PLEKHH1: variants seen among roughly 807,000 people sequenced by gnomAD.
PLEKHH1 encodes the protein pleckstrin homology domain-containing family H member 1.
In PLEKHH1, 104 loss-of-function variants were observed where a neutral mutation model predicts 160.0. The observed-to-expected ratio is 0.65, with a 90% confidence interval of 0.55 to 0.76. The LOEUF is 0.76. PLEKHH1 is among the 30% of genes least tolerant of loss of function. PLEKHH1 has a pLI of 0.00. For missense variants in PLEKHH1, 1,427 were observed against 1,724.1 expected, an observed-to-expected ratio of 0.83 and a Z score of 3.05; for synonymous variants, 619 against 678.4, an observed-to-expected ratio of 0.91 and a Z score of 1.36.
At chr14:67,543,258 G>A (rs1216109390) in intron 2 of PLEKHH1, among the ~76,000 whole-genome samples, 1 of 152,156 alleles carries the variant, frequency 6.6e-6, no homozygotes. Flanking sequence ...TTGATAGCTG[G>A]AGTCCAGCAG....
rs1283777283 is a variant in PLEKHH1 at position 67,588,276 on chromosome 14, A to C, written c.*1041A>C. The stretch of plus-strand genomic sequence containing the variant: ...GCTGTGTTCACTGTAGTGGGCCATC[A>C]TTTGTTTCCTTCTTCTTGTAAAAGA... On this transcript the variant is annotated 3_prime_UTR_variant, in exon 29 of 29. Coordinates refer to ENST00000329153, the MANE Select transcript of PLEKHH1 (RefSeq NM_020715.3). The C allele has an allele frequency of 1.3e-5, 2 of 152,560 alleles. No homozygotes were observed. Among genetic ancestry groups the C allele is most frequent in the Non-Finnish European group, 2.9e-5 (2 of 68,008 alleles). 9.5% of individuals were successfully genotyped at this position (152,560 alleles called of 1,614,324 possible).
chr14:67,581,631 A>G (rs1375856862), intron 23 of PLEKHH1: 1 of 177,622 alleles, frequency 5.6e-6, no homozygotes, highest in Non-Finnish European at 1.2e-5. Flanking sequence ...ATAGCTAAAG[A>G]CTAAGTACTT....
intron 2 of PLEKHH1, among the ~76,000 whole-genome samples, chr14:67,555,238 A>T (rs931607978): frequency 1.2e-4 from 19 of 152,186 alleles, no homozygotes; most frequent in Middle Eastern, 3.2e-3. Context: ...AATTTTGAAA[A>T]ATGTATCTTG....
chr14:67,557,064 G>T (rs1362839354), intron 3 of PLEKHH1, among the ~76,000 whole-genome samples: 1 of 152,142 alleles, frequency 6.6e-6, no homozygotes, highest in Non-Finnish European at 1.5e-5. Flanking sequence ...GACCTAGAGT[G>T]GCCAAAATGA....
At position 67,574,303 on chromosome 14, in the gene PLEKHH1, G is replaced by A. The variant is rs971632649; in HGVS notation, c.1988G>A (p.Trp663Ter). Residue 663 changes from tryptophan (W) to a stop codon, truncating the protein, a stop_gained, in exon 14 of 29, where the codon TGG (tryptophan) becomes TAG (stop). Transcript: ENST00000329153. LOFTEE classifies it high-confidence loss of function. The surrounding 1 kb of genome is among the most constrained non-coding windows in gnomAD (Gnocchi z 4.2). Reference sequence around the variant, plus strand: ...GATTCACCCAGCCTGCTGGAGGAGTGGATCCGAGTACTCCAGAGCCTGCTG... The same window carrying A: ...GATTCACCCAGCCTGCTGGAGGAGTAGATCCGAGTACTCCAGAGCCTGCTG... ...TADSPSLLEE[W>*]IRVLQSLLKV... is the part of the protein sequence containing the mutation. 1 of 1,607,472 alleles carries A rather than the reference G, an allele frequency of 6.2e-7. No individual in the cohort carries two copies. The highest frequency in any genetic ancestry group is 8.5e-7 in the Non-Finnish European group (1 of 1,176,926).
rs1342979501 is a variant in PLEKHH1, at chr14:67,582,589, C to G, written c.3426+379C>G. On this transcript the variant is annotated intron_variant, in intron 24 of 28. Coordinates refer to ENST00000329153, the MANE Select transcript of PLEKHH1 (RefSeq NM_020715.3). This position sits in a 1 kb window ranked among gnomAD's most constrained non-coding sequence, Gnocchi z 5.0. ...ATGTCAGCACTTTGCGAGGCCGAGG[C>G]GGGCAGATCACCTGAGGCCAGGAGT... 6.6e-6 allele frequency among the ~76,000 whole-genome samples: 1 copy of G among 152,042 alleles called. No individual in the cohort carries two copies. The highest frequency in any genetic ancestry group is 1.5e-5 in the Non-Finnish European group (1 of 68,026).
At position 67,573,479 on chromosome 14, in the gene PLEKHH1, CA is replaced by C; in HGVS notation, c.1839+95del. The C allele has an allele frequency of 1.1e-6, 1 of 872,396 alleles. No homozygotes were observed. Among genetic ancestry groups the C allele is most frequent in the Non-Finnish European group, 1.8e-6 (1 of 544,308 alleles). 54.0% of individuals were successfully genotyped at this position (872,396 alleles called of 1,614,324 possible). On this transcript the variant is annotated intron_variant, in intron 12 of 28. Transcript: ENST00000329153. This position sits in a 1 kb window ranked among gnomAD's most constrained non-coding sequence, Gnocchi z 4.8. ...GGGACGGAGGAGGGGGAATGTGGCCCAAGGCCAGAGGGCAAAGGTCTGGCAG... is the reference window on the plus strand; with the variant it reads ...GGGACGGAGGAGGGGGAATGTGGCCCAGGCCAGAGGGCAAAGGTCTGGCAG...
chr14:67,578,722 T>C lies in PLEKHH1; in HGVS notation c.2849+91T>C, dbSNP rs1760494477. 1 of 839,188 alleles carries C rather than the reference T, an allele frequency of 1.2e-6. No individual in the cohort carries two copies. The highest frequency in any genetic ancestry group is 2.0e-6 in the Non-Finnish European group (1 of 500,304). 52.0% of individuals were successfully genotyped at this position (839,188 alleles called of 1,614,324 possible). On this transcript the variant is annotated intron_variant, in intron 20 of 28. Coordinates refer to ENST00000329153, the MANE Select transcript of PLEKHH1 (RefSeq NM_020715.3). The surrounding 1 kb of genome is among the most constrained non-coding windows in gnomAD (Gnocchi z 5.0). Reference sequence around the variant, plus strand: ...TGAGAGGAGTCTAGGGCAGACCAGATCACTCCTGTCCTCTGAAACCGCTCA... The same window carrying C: ...TGAGAGGAGTCTAGGGCAGACCAGACCACTCCTGTCCTCTGAAACCGCTCA...
chr14:67,547,209 G>A lies in PLEKHH1; in HGVS notation c.126+5216G>A, dbSNP rs138106311. ...CAACTGGGCATGTGGGAGGAAAGAG[G>A]GGAGAGACACAGATCTGGACTAGGG... On this transcript the variant is annotated intron_variant, in intron 2 of 28. Transcript: ENST00000329153. 3.4e-3 allele frequency among the ~76,000 whole-genome samples: 525 copies of A among 152,254 alleles called. 1 individual carries two copies. The highest frequency in any genetic ancestry group is 0.012 in the African/African-American group (496 of 41,536).
chr14:67,561,060 A>T (rs1234414506), intron 5 of PLEKHH1, among the ~76,000 whole-genome samples: 2 of 152,016 alleles, frequency 1.3e-5, no homozygotes, highest in African/African-American at 4.8e-5. Context: ...CTCTGTCCTC[A>T]CACAAGTGGT....
intron 2 of PLEKHH1, 127 bp from the exon 3 acceptor site, chr14:67,555,698 C>T: frequency 1.5e-6 from 2 of 1,362,590 alleles, no homozygotes; most frequent in Non-Finnish European, 2.0e-6. Flanking sequence ...ACTCTCGAGC[C>T]ACTTGAGATG....
At chr14:67,571,981 G>T in intron 10 of PLEKHH1, 79 bp downstream of exon 10, 1 of 1,509,274 alleles carries the variant, frequency 6.6e-7, no homozygotes, top group Admixed American at 2.0e-5. Flanking sequence ...GAACATGGGC[G>T]TCCCCACTTG....
At chr14:67,581,274 GCA>G (rs71129838) in intron 23 of PLEKHH1, among the ~76,000 whole-genome samples, 220 of 147,886 alleles carry the variant, frequency 1.5e-3, no homozygotes, top group Middle Eastern at 3.5e-3. Context: ...GTGTGTATAT[GCA>G]CACACACACA....
chr14:67,579,450 G>C, intron 21 of PLEKHH1, 139 bp downstream of exon 21: 1 of 757,406 alleles, frequency 1.3e-6, no homozygotes. Context: ...TGCATGAACA[G>C]GGAAGCTGAG....
intron 5 of PLEKHH1, among the ~76,000 whole-genome samples, chr14:67,561,025 C>T (rs1396694589): frequency 6.6e-6 from 1 of 152,114 alleles, no homozygotes; most frequent in African/African-American, 2.4e-5. Flanking sequence ...GCCACCACAC[C>T]CGGCTGACAA....
rs941602611 is a variant in PLEKHH1, at chr14:67,582,824, C to T, written c.3426+614C>T. Among the ~76,000 whole-genome samples the T allele has an allele frequency of 2.6e-5, 4 of 152,066 alleles. No individual in the cohort carries two copies. The East Asian group carries it at 7.7e-4, about 29-fold the overall frequency. ...TGCACTACAGCCTAGGCGACAACAG[C>T]AAAACTCTGTCTCAAAACAAAACAA... On this transcript the variant is annotated intron_variant, in intron 24 of 28. Coordinates refer to ENST00000329153, the MANE Select transcript of PLEKHH1 (RefSeq NM_020715.3). The surrounding 1 kb of genome is among the most constrained non-coding windows in gnomAD (Gnocchi z 5.0).
At chr14:67,548,344 A>AG (rs1437502090) in intron 2 of PLEKHH1, among the ~76,000 whole-genome samples, 1 of 152,196 alleles carries the variant, frequency 6.6e-6, no homozygotes, top group African/African-American at 2.4e-5. Context: ...AACTAATACA[A>AG]GGTTTTTCTT....
At chr14:67,557,666 C>T (rs1464618953) in intron 4 of PLEKHH1, among the ~76,000 whole-genome samples, 1 of 152,242 alleles carries the variant, frequency 6.6e-6, no homozygotes, top group Non-Finnish European at 1.5e-5. Flanking sequence ...GTGAAGCCCA[C>T]CTCTAGCACC....
chr14:67,577,947 G>A, intron 18 of PLEKHH1, 76 bp from the exon 19 acceptor site: 1 of 1,412,038 alleles, frequency 7.1e-7, no homozygotes. Context: ...GGAGCCCTTG[G>A]AAAATGGCCA....
Sources: gnomAD v4.1 joint callset for allele counts (sites outside exome capture counted in the v4.1 genomes callset) on GRCh38, gnomAD v4.1.1 for gene constraint, Gnocchi (gnomAD v3.1) non-coding constraint, MANE v1.5 for transcripts, NCBI Gene and HGNC (gene_info 2026-07-23, HGNC 2026-07-21) for gene names.